The following CCDC88A variants were observed in gnomAD, a reference collection of about 807,000 sequenced individuals.
The protein encoded by CCDC88A is girdin.
CCDC88A carries 54 observed loss-of-function variants against 234.3 expected under a neutral mutation model. That is an observed-to-expected ratio of 0.23 (90% CI 0.19 to 0.29). The LOEUF (loss-of-function observed/expected upper bound fraction) is 0.29. Ranked by LOEUF, CCDC88A falls within the 10% of genes least tolerant of loss-of-function variation. CCDC88A has a pLI of 1.00. For synonymous variants in CCDC88A, 753 were observed against 737.8 expected (o/e 1.02, Z -0.33); for missense variants, 1,832 against 2,123.4 (o/e 0.86, Z 2.70).
Position 55,302,012 on chromosome 2 carries a change from T to A in CCDC88A, c.4532A>T (p.Asn1511Ile), listed in dbSNP as rs1161016057. Residue 1511 changes from asparagine (N) to isoleucine (I), a missense_variant, in exon 27 of 33, where the codon AAT becomes ATT. Physicochemically the swap from Asn to Ile is moderately radical, Grantham distance 149. Transcript: ENST00000436346. ...LAGQWTGSTE[N>I]LEVPDDISTG... The stretch of plus-strand genomic sequence containing the variant: ...TGAAATATCATCAGGAACCTCCAAA[T>A]TCTCAGTACTACCTGTCCACTGTCC... 2.5e-6 allele frequency: 4 copies of A among 1,614,030 alleles called. No individual in the cohort carries two copies. The highest frequency in any genetic ancestry group is 3.4e-6 in the Non-Finnish European group (4 of 1,179,986).
chr2:55,401,307 G>T (rs1442394918), intron 2 of CCDC88A, among the ~76,000 whole-genome samples: 1 of 150,600 alleles, frequency 6.6e-6, no homozygotes, highest in Admixed American at 6.7e-5. Flanking sequence ...AGTGGTGTGT[G>T]CCTGCAGTCC....
intron 3 of CCDC88A, among the ~76,000 whole-genome samples, chr2:55,376,949 G>A (rs1249966508): frequency 6.6e-6 from 1 of 152,088 alleles, no homozygotes; most frequent in Admixed American, 6.6e-5. Context: ...CTCTGCCTCA[G>A]CGTCCCGAGT....
intron 2 of CCDC88A, chr2:55,418,163 G>T (rs1397143172): frequency 6.6e-6 from 1 of 152,126 alleles, no homozygotes; most frequent in Non-Finnish European, 1.5e-5. Context: ...TGCCCAATAA[G>T]TCGTTATCTA....
chr2:55,327,001 A>G (rs1381913412), intron 17 of CCDC88A, among the ~76,000 whole-genome samples: 1 of 152,212 alleles, frequency 6.6e-6, no homozygotes, highest in Non-Finnish European at 1.5e-5. Context: ...TAATGGGGTA[A>G]AAAATTCAGG....
intron 18 of CCDC88A, 114 bp downstream of exon 18, chr2:55,322,414 C>T: frequency 1.5e-6 from 1 of 650,676 alleles, no homozygotes; most frequent in Non-Finnish European, 2.5e-6. Context: ...CTAGAATTTT[C>T]TTATTAAGTG....
Position 55,339,496 on chromosome 2 carries a change from T to C in CCDC88A, c.1486A>G (p.Met496Val), listed in dbSNP as rs138572260. 1 of 1,592,796 alleles carries C rather than the reference T, an allele frequency of 6.3e-7. No individual in the cohort carries two copies. The highest frequency in any genetic ancestry group is 2.2e-5 in the East Asian group (1 of 44,448). Residue 496 changes from methionine (M) to valine (V), a missense_variant, in exon 13 of 33, where the codon ATG (methionine) becomes GTG (valine). Met to Val is a conservative substitution (Grantham distance 21, BLOSUM62 1). This residue lies in a region of CCDC88A where 1,282 missense variants were observed against 1,543.6 expected (regional missense o/e 0.83). Coordinates refer to ENST00000436346, the MANE Select transcript of CCDC88A (RefSeq NM_001365480.1). The part of the protein sequence containing the change: ...VEGNASKILK[M>V]EKENQRLSKK... ...CTGAGCCTTTGATTTTCTTTTTCCA[T>C]TTTCAGGATTTTGGAAGCATTGCCT...
chr2:55,407,409 C>T (rs1211459553), intron 2 of CCDC88A, among the ~76,000 whole-genome samples: 3 of 151,234 alleles, frequency 2.0e-5, no homozygotes, highest in Non-Finnish European at 4.4e-5. Flanking sequence ...GTTCGAGACC[C>T]GCCTGGCCAA....
rs1558768191 is a variant in CCDC88A, at chr2:55,375,468, A to AATATAT, written c.274-586_274-585insATATAT. ...TCAAATTTATAAGTACTGTCACTGTACTATATATATATATATATATATATA... is the reference window on the plus strand; with the variant it reads ...TCAAATTTATAAGTACTGTCACTGTAATATATCTATATATATATATATATATATATA... On this transcript the variant is annotated intron_variant, in intron 3 of 32. Transcript: ENST00000436346. Among the ~76,000 whole-genome samples, 19 of 129,698 alleles carry AATATAT rather than the reference A, an allele frequency of 1.5e-4. 3 individuals are homozygous for AATATAT. The highest frequency in any genetic ancestry group is 5.7e-4 in the East Asian group (2 of 3,518). The allele number at this position is 129,698 out of a possible 152,430, so 85.1% of individuals were successfully genotyped here.
intron 4 of CCDC88A, among the ~76,000 whole-genome samples, chr2:55,373,067 A>C (rs981124489): frequency 6.6e-6 from 1 of 152,216 alleles, no homozygotes; most frequent in African/African-American, 2.4e-5. Context: ...AAAAGTTAAC[A>C]ATCTATAACA....
chr2:55,323,929 C>T (rs1683945051), intron 17 of CCDC88A: 2 of 152,314 alleles, frequency 1.3e-5, no homozygotes, highest in East Asian at 3.8e-4. Context: ...CCATGCTGGT[C>T]TCGAACTCCT....
At chr2:55,379,165 G>A (rs921170554) in intron 3 of CCDC88A, among the ~76,000 whole-genome samples, 9 of 152,086 alleles carry the variant, frequency 5.9e-5, no homozygotes, top group African/African-American at 2.2e-4. Flanking sequence ...GACTGCTATT[G>A]TTAAGATTTA....
intron 2 of CCDC88A, among the ~76,000 whole-genome samples, chr2:55,391,774 T>C (rs1369434829): frequency 6.6e-6 from 1 of 152,194 alleles, no homozygotes; most frequent in Non-Finnish European, 1.5e-5. Flanking sequence ...GACTAAATGA[T>C]CTATGGGGCA....
rs1288197053 is a variant in CCDC88A at position 55,334,951 on chromosome 2, C to T, written c.1870G>A (p.Gly624Arg). 1.3e-6 allele frequency: 2 copies of T among 1,566,464 alleles called. No individual in the cohort carries two copies. The highest frequency in any genetic ancestry group is 1.7e-6 in the Non-Finnish European group (2 of 1,151,960). Reference protein sequence around the residue: ...KKELEHYKEKGERAEELENEL... With the variant: ...KKELEHYKEKRERAEELENEL... ...TTTTCAAGTTCTTCAGCTCGTTCTC[C>T]TTTTTCTTTATAATGTTCCAATTCT... is the stretch of plus-strand genomic sequence containing the variant. The change falls in exon 15 of 33, where the codon GGA becomes AGA. Residue 624 changes from glycine (G) to arginine (R), a missense_variant. This residue lies in a region of CCDC88A where 1,282 missense variants were observed against 1,543.6 expected (regional missense o/e 0.83). Transcript: ENST00000436346. The surrounding 1 kb of genome is among the most constrained non-coding windows in gnomAD (Gnocchi z 6.1).
chr2:55,395,123 G>A (rs1004040388), intron 2 of CCDC88A, among the ~76,000 whole-genome samples: 1 of 152,192 alleles, frequency 6.6e-6, no homozygotes, highest in Non-Finnish European at 1.5e-5. Flanking sequence ...TGGGATCACA[G>A]GCGTGAGCCA....
intron 18 of CCDC88A, among the ~76,000 whole-genome samples, chr2:55,321,529 G>T: frequency 6.6e-6 from 1 of 151,672 alleles, no homozygotes; most frequent in East Asian, 1.9e-4. Context: ...CAATTCCTGG[G>T]CGACAAAGTG....
intron 7 of CCDC88A, 99 bp from the exon 8 acceptor site, chr2:55,355,850 A>G (rs1670502700): frequency 2.4e-6 from 2 of 850,280 alleles, no homozygotes; most frequent in Non-Finnish European, 3.6e-6. Context: ...TGCCATATCA[A>G]AAACAATTCA....
At chr2:55,344,721 T>A (rs1358362181) in intron 10 of CCDC88A, among the ~76,000 whole-genome samples, 1 of 152,202 alleles carries the variant, frequency 6.6e-6, no homozygotes, top group African/African-American at 2.4e-5. Flanking sequence ...AGATATATAA[T>A]ACTACTATAA....
intron 4 of CCDC88A, among the ~76,000 whole-genome samples, chr2:55,374,283 G>A (rs1327209299): frequency 6.6e-6 from 1 of 152,064 alleles, no homozygotes; most frequent in Non-Finnish European, 1.5e-5. Context: ...CAGGAGAATC[G>A]CTTGAACCCA....
At chr2:55,349,293 A>G (rs1467863828) in intron 9 of CCDC88A, 8 of 495,380 alleles carry the variant, frequency 1.6e-5, no homozygotes, top group Non-Finnish European at 2.5e-5. Context: ...AGTCCTAAGT[A>G]GCTCTTTTGA....
Sources: allele counts gnomAD v4.1 joint callset (sites outside exome capture counted in the v4.1 genomes callset), GRCh38; gene constraint gnomAD v4.1.1; regional missense constraint gnomAD v4.1.1; non-coding constraint Gnocchi (gnomAD v3.1); transcripts MANE v1.5; gene names NCBI Gene and HGNC (gene_info 2026-07-23, HGNC 2026-07-21).